Variants in LGALS13 observed in about 807,000 individuals in gnomAD.
The protein encoded by LGALS13 is galectin 13.
A neutral mutation model predicts 13.2 loss-of-function variants in LGALS13; 11 were observed. The observed-to-expected ratio is 0.83, with a 90% CI of 0.52 to 1.38. The LOEUF is 1.38. Among genes scored for constraint, LGALS13 ranks in the 40% most tolerant of loss-of-function variants. The pLI, the probability that LGALS13 is intolerant of heterozygous loss-of-function variation, is 0.00. For missense variants in LGALS13, 183 were observed against 174.3 expected (o/e 1.05, Z -0.28); for synonymous variants, 71 against 63.7 (o/e 1.11, Z -0.54).
At chr19:39,603,800 C>A in intron 1 of LGALS13, 1 of 313,650 alleles carries the variant, frequency 3.2e-6, no homozygotes, top group Non-Finnish European at 4.6e-6. Flanking sequence ...TTCAGTGAAC[C>A]ATGATTGCAT....
intron 3 of LGALS13, among the ~76,000 whole-genome samples, chr19:39,605,850 G>A (rs1252382765): frequency 6.8e-6 from 1 of 146,076 alleles, no homozygotes; most frequent in Non-Finnish European, 1.5e-5. Flanking sequence ...GTTTGTTTTT[G>A]TTTGTTTGTT....
chr19:39,604,990 G>A (rs1972660988), intron 2 of LGALS13, 188 bp from the exon 3 acceptor site: 3 of 685,998 alleles, frequency 4.4e-6, no homozygotes, highest in African/African-American at 3.5e-5. Context: ...TTCATCTGGG[G>A]ATGAGGAGCA....
At chr19:39,605,083 C>A in intron 2 of LGALS13, 95 bp from the exon 3 acceptor site, 1 of 1,062,304 alleles carries the variant, frequency 9.4e-7, no homozygotes, top group Non-Finnish European at 1.4e-6. Context: ...GAGACTTTTT[C>A]CCTAGGTAAA....
intron 2 of LGALS13, 75 bp from the exon 3 acceptor site, chr19:39,605,103 G>T (rs1555766185): frequency 8.1e-7 from 1 of 1,234,610 alleles, no homozygotes. Flanking sequence ...ATGGGGGAAG[G>T]GATTTGTGTG....
In LGALS13 at chr19:39,607,294, A is replaced by C; in HGVS notation, c.375A>C (p.Gln125His). 1 of 1,614,048 alleles carries C rather than the reference A, an allele frequency of 6.2e-7. No homozygotes were observed. The highest frequency in any genetic ancestry group is 1.7e-5 in the Admixed American group (1 of 60,016). The change falls in exon 4 of 4, where the codon CAA becomes CAC. Residue 125 changes from glutamine to histidine, a missense_variant. Physicochemically the swap from Gln to His is conservative, Grantham distance 24 (BLOSUM62 0). Transcript: ENST00000221797. ...RIPPSFVKMV[Q>H]VSRDISLTSV... ...CGCCATCATTTGTGAAGATGGTGCA[A>C]GTGTCGAGAGATATCTCCCTGACCT...
intron 1 of LGALS13, among the ~76,000 whole-genome samples, chr19:39,603,757 T>C (rs1271467825): frequency 6.6e-6 from 1 of 152,056 alleles, no homozygotes; most frequent in African/African-American, 2.4e-5. Context: ...GGAGCAGATG[T>C]GTGAGATTCA....
rs1600799381 is a variant in LGALS13, at chr19:39,604,804, G to T, written c.92+126G>T. The T allele has an allele frequency of 8.6e-6, 10 of 1,167,750 alleles. No individual in the cohort carries two copies. In the East Asian group the frequency reaches 2.1e-4, roughly 25 times the overall value. 72.3% of individuals were successfully genotyped at this position (1,167,750 alleles called of 1,614,324 possible). On this transcript the variant is annotated intron_variant, in intron 2 of 3. Coordinates refer to ENST00000221797, the MANE Select transcript of LGALS13 (RefSeq NM_013268.3). The stretch of plus-strand genomic sequence containing the variant: ...GAATGGAGGCCCCATGCAGGTGCAG[G>T]TCTTGGAGACCCTCCAGCACCAGGC...
chr19:39,604,630 C>T lies in LGALS13; in HGVS notation c.44C>T (p.Ser15Phe). 6.2e-7 allele frequency: 1 copy of T among 1,614,152 alleles called. No individual in the cohort carries two copies. The highest frequency in any genetic ancestry group is 8.5e-7 in the Non-Finnish European group (1 of 1,180,014). Reference protein sequence around the residue: ...PVPYKLPVSLSVGSCVIIKGT... With the variant: ...PVPYKLPVSLFVGSCVIIKGT... ...CCATACAAACTGCCTGTGTCTTTGT[C>T]TGTTGGTTCCTGCGTGATAATCAAA... The change falls in exon 2 of 4, where the codon TCT (serine) becomes TTT (phenylalanine). Residue 15 changes from serine to phenylalanine, a missense_variant. Coordinates refer to ENST00000221797, the MANE Select transcript of LGALS13 (RefSeq NM_013268.3).
Position 39,607,467 on chromosome 19 carries a change from A to G in LGALS13, c.*128A>G. Reference sequence around the variant, plus strand: ...TACACTTTGTCATTAAAACAGCACGAAAACTCACATGATTTGGTTCTTGCT... The same window carrying G: ...TACACTTTGTCATTAAAACAGCACGGAAACTCACATGATTTGGTTCTTGCT... On this transcript the variant is annotated 3_prime_UTR_variant, in exon 4 of 4. Transcript: ENST00000221797. The G allele has an allele frequency of 1.4e-6, 1 of 716,206 alleles. No individual in the cohort carries two copies. The highest frequency in any genetic ancestry group is 2.5e-6 in the Non-Finnish European group (1 of 398,744). The allele number at this position is 716,206 out of a possible 1,614,324, so 44.4% of individuals were successfully genotyped here. A position where few individuals can be genotyped will look rare whatever the true frequency, so the allele number is the denominator to read the frequency against.
intron 3 of LGALS13, among the ~76,000 whole-genome samples, chr19:39,605,625 G>C (rs1457472282): frequency 2.0e-5 from 3 of 151,720 alleles, no homozygotes; most frequent in Non-Finnish European, 4.4e-5. Context: ...AATCTCCTCT[G>C]TCTTTTCACA....
chr19:39,607,289 G>T lies in LGALS13; in HGVS notation c.370G>T (p.Val124Leu). The T allele has an allele frequency of 1.2e-6, 2 of 1,614,078 alleles. No individual in the cohort carries two copies. The highest frequency in any genetic ancestry group is 1.7e-6 in the Non-Finnish European group (2 of 1,179,990). Residue 124 changes from valine to leucine, a missense_variant, in exon 4 of 4, where the codon GTG (valine) becomes TTG (leucine). Transcript: ENST00000221797. Reference sequence around the variant, plus strand: ...AATCCCGCCATCATTTGTGAAGATGGTGCAAGTGTCGAGAGATATCTCCCT... The same window carrying T: ...AATCCCGCCATCATTTGTGAAGATGTTGCAAGTGTCGAGAGATATCTCCCT... ...HRIPPSFVKM[V>L]QVSRDISLTS...
intron 1 of LGALS13, among the ~76,000 whole-genome samples, chr19:39,602,817 A>G (rs1010792859): frequency 6.6e-6 from 1 of 152,204 alleles, no homozygotes; most frequent in African/African-American, 2.4e-5. Context: ...TCTGATGAGC[A>G]TAAACTCTGC....
At chr19:39,606,270 CA>C (rs1972686963) in intron 3 of LGALS13, among the ~76,000 whole-genome samples, 1 of 152,148 alleles carries the variant, frequency 6.6e-6, no homozygotes, top group Non-Finnish European at 1.5e-5. Flanking sequence ...GATTTGTTGC[CA>C]AAGAATATAT....
In LGALS13 at chr19:39,605,158, T is replaced by A. The variant is rs779435232; in HGVS notation, c.93-20T>A. 1.9e-6 allele frequency: 3 copies of A among 1,606,148 alleles called. No individual in the cohort carries two copies. In the South Asian group the frequency reaches 3.3e-5, roughly 18 times the overall value. ...CGCAAGGGAGGGACCTGCCCAACATTCTGCGTGCTTCACCCTCAGCAATGA... is the reference window on the plus strand; with the variant it reads ...CGCAAGGGAGGGACCTGCCCAACATACTGCGTGCTTCACCCTCAGCAATGA... On this transcript the variant is annotated intron_variant, in intron 2 of 3. Transcript: ENST00000221797.
intron 2 of LGALS13, 69 bp from the exon 3 acceptor site, chr19:39,605,109 G>T: frequency 1.6e-6 from 2 of 1,254,392 alleles, no homozygotes. Context: ...GAAGGGATTT[G>T]TGTGTGTGTC....
At chr19:39,602,706 G>A in intron 1 of LGALS13, 123 bp downstream of exon 1, 1 of 973,408 alleles carries the variant, frequency 1.0e-6, no homozygotes, top group Non-Finnish European at 1.6e-6. Flanking sequence ...GAGCTATTGA[G>A]GTGTGGAATA....
rs1183206871 is a variant in LGALS13 at position 39,605,415 on chromosome 19, C to T, written c.303+27C>T. The T allele has an allele frequency of 1.9e-6, 3 of 1,598,418 alleles. No homozygotes were observed. The African/African-American group carries it at 4.0e-5, about 21-fold the overall frequency. The stretch of plus-strand genomic sequence containing the variant: ...TGAGCATCCCAGGAGCTCCCAGCAC[C>T]CAGGCTCTGTGGGCTCCCAAAACAG... On this transcript the variant is annotated intron_variant, in intron 3 of 3. Coordinates refer to ENST00000221797, the MANE Select transcript of LGALS13 (RefSeq NM_013268.3).
In LGALS13 at chr19:39,607,412, A is replaced by G. The variant is rs1972709644; in HGVS notation, c.*73A>G. 4 of 969,566 alleles carry G rather than the reference A, an allele frequency of 4.1e-6. No individual in the cohort carries two copies. The highest frequency in any genetic ancestry group is 6.7e-6 in the Non-Finnish European group (4 of 593,912). 60.1% of individuals were successfully genotyped at this position (969,566 alleles called of 1,614,324 possible). ...GACCATGGGATTCCCAGAACCTGCT[A>G]ACAGAATAATCCCTGCTCACATTTT... On this transcript the variant is annotated 3_prime_UTR_variant, in exon 4 of 4. Coordinates refer to ENST00000221797, the MANE Select transcript of LGALS13 (RefSeq NM_013268.3).
At chr19:39,604,770 T>C in intron 2 of LGALS13, 92 bp downstream of exon 2, 1 of 1,490,532 alleles carries the variant, frequency 6.7e-7, no homozygotes, top group South Asian at 1.1e-5. Flanking sequence ...TGGAAATGTC[T>C]AGTTGGCAGA....
Sources: allele counts gnomAD v4.1 joint callset (sites outside exome capture counted in the v4.1 genomes callset), GRCh38; gene constraint gnomAD v4.1.1; transcripts MANE v1.5; gene names NCBI Gene and HGNC (gene_info 2026-07-23, HGNC 2026-07-21).